Variants in APOBEC1 observed in about 807,000 individuals in gnomAD.
APOBEC1 encodes the protein apolipoprotein B mRNA editing enzyme catalytic subunit 1.
In APOBEC1, 22 loss-of-function variants were observed where a neutral mutation model predicts 26.3. That is an observed-to-expected ratio of 0.84 (90% CI 0.60 to 1.19). The LOEUF is 1.19. APOBEC1 is among the 50% of genes most tolerant of loss of function. The probability of loss-of-function intolerance (pLI) is 0.00; values close to 1 mark genes in which losing one functional copy is unlikely to be tolerated. For synonymous variants in APOBEC1, 77 were observed against 95.3 expected, an observed-to-expected ratio of 0.81 and a Z score of 1.12; for missense variants, 253 against 289.0, an observed-to-expected ratio of 0.88 and a Z score of 0.90.
chr12:7,652,579 T>C lies in APOBEC1; in HGVS notation c.301A>G (p.Arg101Gly). 1 of 1,614,200 alleles carries C rather than the reference T, an allele frequency of 6.2e-7. No individual in the cohort carries two copies. The highest frequency in any genetic ancestry group is 8.5e-7 in the Non-Finnish European group (1 of 1,180,032). Residue 101 changes from arginine to glycine, a missense_variant, in exon 3 of 5, where the codon AGA becomes GGA. By Grantham distance (125) the Arg-to-Gly change is moderately radical (BLOSUM62 -2). Transcript: ENST00000229304. ...SPCWECSQAIREFLSRHPGVT... is the reference protein window; with the variant it reads ...SPCWECSQAIGEFLSRHPGVT... The stretch of plus-strand genomic sequence containing the variant: ...CCAGGGTGCCGACTCAGAAACTCTC[T>C]AATAGCCTGGGAGCATTCCCAGCAG...
rs1863603929 is a variant in APOBEC1, at chr12:7,649,412, T to C, written c.*135A>G. 2 of 888,836 alleles carry C rather than the reference T, an allele frequency of 2.3e-6. No individual in the cohort carries two copies. The highest frequency in any genetic ancestry group is 5.0e-5 in the East Asian group (2 of 39,698). The allele number at this position is 888,836 out of a possible 1,614,324, so 55.1% of individuals were successfully genotyped here. On this transcript the variant is annotated 3_prime_UTR_variant, in exon 5 of 5. Coordinates refer to ENST00000229304, the MANE Select transcript of APOBEC1 (RefSeq NM_001644.5). ...TACCCACAGAAACTGCCAGAGGTAA[T>C]ACATATTTATTGTTGGTTTAAGCTA...
chr12:7,650,920 T>C, intron 4 of APOBEC1, 103 bp downstream of exon 4: 1 of 818,952 alleles, frequency 1.2e-6, no homozygotes, highest in South Asian at 1.6e-5. Context: ...TAAATCTCAA[T>C]ATAAATGTCA....
intron 4 of APOBEC1, 111 bp from the exon 5 acceptor site, chr12:7,649,807 C>T: frequency 9.6e-6 from 7 of 729,046 alleles, no homozygotes; most frequent in Non-Finnish European, 1.4e-5. Flanking sequence ...ACTATTTCTT[C>T]TTTTTTTTTT....
chr12:7,669,559 C>G (rs1038961502), upstream of APOBEC1, among the ~76,000 whole-genome samples: 1 of 151,950 alleles, frequency 6.6e-6, no homozygotes, highest in African/African-American at 2.4e-5. Context: ...ACATTTAACT[C>G]TTTTTTAAAA....
chr12:7,659,373 TCACA>T (rs147840833), intron 1 of APOBEC1, among the ~76,000 whole-genome samples: 9 of 114,106 alleles, frequency 7.9e-5, no homozygotes, highest in East Asian at 2.7e-4. Flanking sequence ...AATTTAAAAA[TCACA>T]CACACACACA....
At position 7,652,399 on chromosome 12, in the gene APOBEC1, T is replaced by C. The variant is rs375159855; in HGVS notation, c.442+39A>G. Reference sequence around the variant, plus strand: ...AAAAACAGCTACTATCACCACAGTCTGTTGTAAACAATGAAGTTTCTTTGT... The same window carrying C: ...AAAAACAGCTACTATCACCACAGTCCGTTGTAAACAATGAAGTTTCTTTGT... On this transcript the variant is annotated intron_variant, in intron 3 of 4. Transcript: ENST00000229304. The C allele has an allele frequency of 5.1e-5, 79 of 1,554,866 alleles. 1 individual carries two copies. The highest frequency in any genetic ancestry group is 6.4e-5 in the Non-Finnish European group (73 of 1,148,154).
At chr12:7,664,818 G>A (rs926587903) in intron 1 of APOBEC1, among the ~76,000 whole-genome samples, 3 of 151,492 alleles carry the variant, frequency 2.0e-5, no homozygotes, top group Non-Finnish European at 2.9e-5. Context: ...GAGGCGGGAG[G>A]ATCTCTTGAG....
intron 1 of APOBEC1, among the ~76,000 whole-genome samples, chr12:7,657,826 T>A (rs1009410432): frequency 6.6e-6 from 1 of 151,934 alleles, no homozygotes; most frequent in Non-Finnish European, 1.5e-5. Flanking sequence ...CAGTGAGCCA[T>A]GAGCATGCCA....
At chr12:7,659,251 G>C (rs796684258) in intron 1 of APOBEC1, among the ~76,000 whole-genome samples, 1 of 115,382 alleles carries the variant, frequency 8.7e-6, no homozygotes, top group Non-Finnish European at 1.6e-5. Flanking sequence ...CCGAGATCGC[G>C]CCATTGCACT....
upstream of APOBEC1, among the ~76,000 whole-genome samples, chr12:7,667,248 C>T (rs2136861734): frequency 6.6e-6 from 1 of 152,178 alleles, no homozygotes; most frequent in Middle Eastern, 3.4e-3. Flanking sequence ...AAAGTAAATG[C>T]CATACTTCCC....
At chr12:7,660,098 T>C (rs1357097686) in intron 1 of APOBEC1, among the ~76,000 whole-genome samples, 1 of 149,618 alleles carries the variant, frequency 6.7e-6, no homozygotes, top group Non-Finnish European at 1.5e-5. Flanking sequence ...AGGTCAAGGG[T>C]TCAAGACTAG....
chr12:7,666,419 G>A (rs1367790631), upstream of APOBEC1, among the ~76,000 whole-genome samples: 2 of 151,124 alleles, frequency 1.3e-5, no homozygotes, highest in Non-Finnish European at 1.5e-5. Flanking sequence ...TCAGCCTCCC[G>A]AGTAGCTGGG....
chr12:7,666,174 A>G (rs144754121), upstream of APOBEC1, among the ~76,000 whole-genome samples: 13 of 152,322 alleles, frequency 8.5e-5, no homozygotes, highest in Admixed American at 4.6e-4. Flanking sequence ...TGAATTTGGT[A>G]AACTTTCTCT....
chr12:7,665,010 G>T (rs142505845), intron 1 of APOBEC1, among the ~76,000 whole-genome samples: 62 of 152,116 alleles, frequency 4.1e-4, no homozygotes, highest in Admixed American at 1.2e-3. Flanking sequence ...TTCCAGACCA[G>T]CCTGGGCGAA....
chr12:7,664,900 TAAA>T (rs397850472), intron 1 of APOBEC1, among the ~76,000 whole-genome samples: 11,619 of 135,200 alleles, frequency 0.086, 492 homozygotes, highest in Middle Eastern at 0.16. Context: ...GGGCGAGTCT[TAAA>T]AAAAAAAAAA....
At chr12:7,669,560 T>C (rs900458477), upstream of APOBEC1, among the ~76,000 whole-genome samples, 4 of 152,132 alleles carry the variant, frequency 2.6e-5, no homozygotes, top group Non-Finnish European at 5.9e-5. Flanking sequence ...CATTTAACTC[T>C]TTTTTAAAAA....
intron 1 of APOBEC1, among the ~76,000 whole-genome samples, chr12:7,662,947 C>A (rs1174840144): frequency 6.6e-6 from 1 of 152,048 alleles, no homozygotes; most frequent in Admixed American, 6.6e-5. Flanking sequence ...GTGTAAGAAG[C>A]CATTAGAGAG....
At chr12:7,660,725 T>C (rs1013549493) in intron 1 of APOBEC1, among the ~76,000 whole-genome samples, 2 of 145,698 alleles carry the variant, frequency 1.4e-5, no homozygotes, top group African/African-American at 5.0e-5. Context: ...AAAAGGGTAT[T>C]TGATGGAAAA....
At chr12:7,660,334 G>A (rs143666037) in intron 1 of APOBEC1, among the ~76,000 whole-genome samples, 1,378 of 35,334 alleles carry the variant, frequency 0.039, 44 homozygotes, top group Non-Finnish European at 0.061. Flanking sequence ...AAGGAAGGAA[G>A]GGAAGGAAGG....
Sources: gnomAD v4.1 joint callset for allele counts (sites outside exome capture counted in the v4.1 genomes callset) on GRCh38, gnomAD v4.1.1 for gene constraint, MANE v1.5 for transcripts, NCBI Gene and HGNC (gene_info 2026-07-23, HGNC 2026-07-21) for gene names.